LRP8: variants seen among roughly 807,000 people sequenced by gnomAD.
LRP8 encodes the protein low-density lipoprotein receptor-related protein 8.
A neutral mutation model predicts 111.6 loss-of-function variants in LRP8; 46 were observed. The observed-to-expected ratio is 0.41, with a 90% CI of 0.33 to 0.53. The LOEUF (loss-of-function observed/expected upper bound fraction) is 0.53. LRP8 is among the 20% of genes least tolerant of loss of function. The pLI is 0.20. For synonymous variants in LRP8, 464 were observed against 511.2 expected, an observed-to-expected ratio of 0.91 and a Z score of 1.24; for missense variants, 959 against 1,297.4, an observed-to-expected ratio of 0.74 and a Z score of 4.01.
At chr1:53,314,870 G>C (rs1653595005) in intron 2 of LRP8, among the ~76,000 whole-genome samples, 1 of 152,186 alleles carries the variant, frequency 6.6e-6, no homozygotes, top group South Asian at 2.1e-4. Context: ...TGGGCACCTG[G>C]GCTGGGTGGA....
chr1:53,275,819 C>T lies in LRP8; in HGVS notation c.884-66G>A. 6.4e-7 allele frequency: 1 copy of T among 1,563,298 alleles called. No homozygotes were observed. The highest frequency in any genetic ancestry group is 8.7e-7 in the Non-Finnish European group (1 of 1,151,958). Reference sequence around the variant, plus strand: ...GGTGCTAGGACAATTTCCCCACCACCCCAATCCCCATGCCATAGCCACCCC... The same window carrying T: ...GGTGCTAGGACAATTTCCCCACCACTCCAATCCCCATGCCATAGCCACCCC... On this transcript the variant is annotated intron_variant, in intron 5 of 18. Coordinates refer to ENST00000306052, the MANE Select transcript of LRP8 (RefSeq NM_004631.5). This position sits in a 1 kb window ranked among gnomAD's most constrained non-coding sequence, Gnocchi z 4.4.
In LRP8 at chr1:53,276,952, G is replaced by A; in HGVS notation, c.623C>T (p.Pro208Leu). The part of the protein sequence containing the change: ...ERGCADPACG[P>L]REFRCGGDGG... ...ATCGCCGCCGCAGCGGAACTCGCGGGGCCCGCAGGCCGGGTCTGCACAGCC... is the reference window on the plus strand; with the variant it reads ...ATCGCCGCCGCAGCGGAACTCGCGGAGCCCGCAGGCCGGGTCTGCACAGCC... The change falls in exon 5 of 19, where the codon CCC becomes CTC. Residue 208 changes from proline to leucine, a missense_variant. Pro to Leu is a moderately conservative substitution (Grantham distance 98). Around this residue, in one of 3 missense-constraint regions of LRP8, gnomAD observed 819 missense variants for 1,097.6 expected, o/e 0.75. Coordinates refer to ENST00000306052, the MANE Select transcript of LRP8 (RefSeq NM_004631.5). 2 of 1,473,606 alleles carry A rather than the reference G, an allele frequency of 1.4e-6. No homozygotes were observed. The highest frequency in any genetic ancestry group is 1.5e-5 in the African/African-American group (1 of 67,710). 91.3% of individuals were successfully genotyped at this position (1,473,606 alleles called of 1,614,324 possible).
At chr1:53,301,978 C>T (rs7518153) in intron 2 of LRP8, among the ~76,000 whole-genome samples, 66,059 of 151,812 alleles carry the variant, frequency 0.44, 14,849 homozygotes, top group East Asian at 0.68. Context: ...CTCTCTGGAC[C>T]CCAGTGCCTC....
At chr1:53,311,016 A>G (rs1469707835) in intron 2 of LRP8, among the ~76,000 whole-genome samples, 2 of 152,118 alleles carry the variant, frequency 1.3e-5, no homozygotes, top group East Asian at 1.9e-4. Context: ...GCCCTATGCC[A>G]TGAAAAGGGG....
chr1:53,270,479 T>C (rs1445034414), intron 8 of LRP8, among the ~76,000 whole-genome samples: 1 of 152,068 alleles, frequency 6.6e-6, no homozygotes, highest in Admixed American at 6.5e-5. Flanking sequence ...CACCATTAGG[T>C]AGTATTTGTG....
rs1338043311 is a variant in LRP8 at position 53,279,275 on chromosome 1, A to G, written c.496+1312T>C. Among the ~76,000 whole-genome samples, 1 of 152,186 alleles carries G rather than the reference A, an allele frequency of 6.6e-6. No individual in the cohort carries two copies. Among genetic ancestry groups the G allele is most frequent in the African/African-American group, 2.4e-5 (1 of 41,448 alleles). ...CTCTGCCTAGGAGGGTGGAAGCTAT[A>G]GCATAGAAGCCCAGTAAGACCTTCT... On this transcript the variant is annotated intron_variant, in intron 4 of 18. Transcript: ENST00000306052. This position sits in a 1 kb window ranked among gnomAD's most constrained non-coding sequence, Gnocchi z 4.4.
At chr1:53,256,806 T>C (rs1253366767) in intron 15 of LRP8, among the ~76,000 whole-genome samples, 1 of 152,212 alleles carries the variant, frequency 6.6e-6, no homozygotes, top group Non-Finnish European at 1.5e-5. Context: ...TGCTGTGAAC[T>C]GAGATCAGAG....
intron 16 of LRP8, among the ~76,000 whole-genome samples, chr1:53,252,777 A>G (rs1645939102): frequency 6.6e-6 from 1 of 152,212 alleles, no homozygotes; most frequent in African/African-American, 2.4e-5. Flanking sequence ...ATCTAAAACA[A>G]TCTTGATAAA....
intron 2 of LRP8, among the ~76,000 whole-genome samples, chr1:53,307,061 C>T (rs1652098579): frequency 6.6e-6 from 1 of 152,286 alleles, no homozygotes; most frequent in East Asian, 1.9e-4. Context: ...GGAATCCTGA[C>T]CTTGCCCCCT....
intron 2 of LRP8, among the ~76,000 whole-genome samples, chr1:53,324,624 C>T (rs1443817118): frequency 6.6e-6 from 1 of 152,210 alleles, no homozygotes; most frequent in African/African-American, 2.4e-5. Context: ...TAATAACTCC[C>T]TGCCTATGAC....
chr1:53,243,483 C>T lies in LRP8; in HGVS notation c.*3535G>A, dbSNP rs1467921043. ...TGAATAATATCAGTTCTGCAAAGTG[C>T]TGGCAATGCATCCTAATGAATTTTC... On this transcript the variant is annotated 3_prime_UTR_variant, in exon 19 of 19. Transcript: ENST00000306052. The T allele has an allele frequency of 6.6e-6, 1 of 152,234 alleles. No individual in the cohort carries two copies. Among genetic ancestry groups the T allele is most frequent in the Non-Finnish European group, 1.5e-5 (1 of 68,046 alleles). 9.4% of individuals were successfully genotyped at this position (152,234 alleles called of 1,614,324 possible).
In LRP8 at chr1:53,250,848, G is replaced by C; in HGVS notation, c.2518C>G (p.Leu840Val). Residue 840 changes from leucine (L) to valine (V), a missense_variant, in exon 17 of 19, where the codon CTG becomes GTG. Transcript: ENST00000306052. The surrounding 1 kb of genome is among the most constrained non-coding windows in gnomAD (Gnocchi z 4.6). ...CAGATCAGGTATCCACTCATGCACA[G>C]GAGGGCTATCACCACTGGAGGAAGG... is the stretch of plus-strand genomic sequence containing the variant. The part of the protein sequence containing the change: ...IIVPIVVIAL[L>V]CMSGYLIWRN... 5 of 1,614,086 alleles carry C rather than the reference G, an allele frequency of 3.1e-6. No individual in the cohort carries two copies. The highest frequency in any genetic ancestry group is 4.2e-6 in the Non-Finnish European group (5 of 1,180,000).
intron 16 of LRP8, 151 bp downstream of exon 16, chr1:53,254,966 C>A (rs1646027881): frequency 2.5e-6 from 2 of 799,424 alleles, no homozygotes; most frequent in Admixed American, 2.5e-5. Context: ...GGCTAAAAAA[C>A]CAAATTAAAT....
chr1:53,321,633 G>A (rs1450929503), intron 2 of LRP8, among the ~76,000 whole-genome samples: 4 of 152,182 alleles, frequency 2.6e-5, no homozygotes, highest in Non-Finnish European at 4.4e-5. Context: ...TCGGCCACCA[G>A]CAGACAACTG....
rs1646936699 is a variant in LRP8, at chr1:53,276,831, C to G, written c.744G>C (p.Pro248=). 2 of 1,273,128 alleles carry G rather than the reference C, an allele frequency of 1.6e-6. No homozygotes were observed. The allele number at this position is 1,273,128 out of a possible 1,614,324, so 78.9% of individuals were successfully genotyped here. Residue 248 remains proline, a synonymous_variant, in exon 5 of 19, where the codon CCG becomes CCC. Coordinates refer to ENST00000306052, the MANE Select transcript of LRP8 (RefSeq NM_004631.5). The part of the protein sequence containing the change: ...SDEAAELCGR[P]GPGATSAPAA... ...CGGGCGCGGACGTGGCCCCGGGGCC[C>G]GGACGGCCGCAGAGCTCGGCTGCCT... is the stretch of plus-strand genomic sequence containing the variant.
In LRP8 at chr1:53,295,375, A is replaced by T. The variant is rs572424509; in HGVS notation, c.245-5686T>A. Reference sequence around the variant, plus strand: ...ACCTGGAGCTCCACCAGGCCAGGGAACAATTGACCCTGGTGGAGTTGTTCA... The same window carrying T: ...ACCTGGAGCTCCACCAGGCCAGGGATCAATTGACCCTGGTGGAGTTGTTCA... On this transcript the variant is annotated intron_variant, in intron 2 of 18. Transcript: ENST00000306052. Among the ~76,000 whole-genome samples, 3 of 152,264 alleles carry T rather than the reference A, an allele frequency of 2.0e-5. No homozygotes were observed. The East Asian group carries it at 5.8e-4, about 29-fold the overall frequency.
chr1:53,278,555 G>A (rs1572521410), intron 4 of LRP8, among the ~76,000 whole-genome samples: 1 of 152,334 alleles, frequency 6.6e-6, no homozygotes, highest in East Asian at 1.9e-4. Flanking sequence ...TCTACCAAGT[G>A]TCTGACAGTT....
intron 3 of LRP8, among the ~76,000 whole-genome samples, chr1:53,285,687 G>T (rs1284636995): frequency 1.3e-5 from 2 of 152,222 alleles, no homozygotes; most frequent in African/African-American, 4.8e-5. Flanking sequence ...CTGGGGACGT[G>T]CCTGTTGTCA....
rs1443317327 is a variant in LRP8 at position 53,246,098 on chromosome 1, C to T, written c.*920G>A. ...ACTCTGGTACCATGGAATGTCTGTA[C>T]ACTGACCTTCGCCAAAGCCAAGAAA... On this transcript the variant is annotated 3_prime_UTR_variant, in exon 19 of 19. Transcript: ENST00000306052. The T allele has an allele frequency of 6.6e-6, 1 of 152,242 alleles. No individual in the cohort carries two copies. The highest frequency in any genetic ancestry group is 1.5e-5 in the Non-Finnish European group (1 of 68,060). The allele number at this position is 152,242 out of a possible 1,614,324, so 9.4% of individuals were successfully genotyped here. A position where few individuals can be genotyped will look rare whatever the true frequency, so the allele number is the denominator to read the frequency against.
Sources: gnomAD v4.1 joint callset for allele counts (sites outside exome capture counted in the v4.1 genomes callset) on GRCh38, gnomAD v4.1.1 for gene constraint, gnomAD v4.1.1 regional missense constraint, Gnocchi (gnomAD v3.1) non-coding constraint, MANE v1.5 for transcripts, NCBI Gene and HGNC (gene_info 2026-07-23, HGNC 2026-07-21) for gene names.